The following DEPDC5 variants were observed in gnomAD, a reference collection of about 807,000 sequenced individuals.
DEPDC5 encodes the protein GATOR1 complex protein DEPDC5.
DEPDC5 carries 73 observed loss-of-function variants against 217.3 expected under a neutral mutation model. The observed-to-expected ratio is 0.34, with a 90% CI of 0.28 to 0.41. The LOEUF (loss-of-function observed/expected upper bound fraction) is 0.41, where lower values mean the gene tolerates loss of function less well. DEPDC5 is among the 10% of genes least tolerant of loss of function. DEPDC5 has a pLI of 1.00. For synonymous variants in DEPDC5, 733 were observed against 756.7 expected, an observed-to-expected ratio of 0.97 and a Z score of 0.51; for missense variants, 1,675 against 2,070.1, an observed-to-expected ratio of 0.81 and a Z score of 3.70.
In DEPDC5 at chr22:31,804,888, A is replaced by G. The variant is rs1433468203; in HGVS notation, c.1190A>G (p.Tyr397Cys). 2.5e-6 allele frequency: 4 copies of G among 1,613,990 alleles called. No homozygotes were observed. In the East Asian group the frequency reaches 6.7e-5, roughly 27 times the overall value. The stretch of plus-strand genomic sequence containing the variant: ...CGTGATTCTCGTCTGGGCGATGACT[A>G]TAATATCCCTCACTGGATAAACCAC... ...APRDSRLGDD[Y>C]NIPHWINHSF... The change falls in exon 17 of 43, where the codon TAT becomes TGT. Residue 397 changes from tyrosine (Y) to cysteine (C), a missense_variant. Transcript: ENST00000651528.
At chr22:31,779,261 G>T (rs1309561928) in intron 8 of DEPDC5, among the ~76,000 whole-genome samples, 1 of 152,158 alleles carries the variant, frequency 6.6e-6, no homozygotes, top group Non-Finnish European at 1.5e-5. Context: ...GTTTACATTG[G>T]ATGTATTTAC....
In DEPDC5 at chr22:31,785,094, A is replaced by G. The variant is rs1601814035; in HGVS notation, c.624+219A>G. On this transcript the variant is annotated intron_variant, in intron 10 of 42. Coordinates refer to ENST00000651528, the MANE Select transcript of DEPDC5 (RefSeq NM_001242896.3). The stretch of plus-strand genomic sequence containing the variant: ...GTAAAAGACTGAAAACTTTCCCCCA[A>G]GATCAGTAACAAGGTAAGTATGCTT... 20 of 467,746 alleles carry G rather than the reference A, an allele frequency of 4.3e-5. No homozygotes were observed. The East Asian group carries it at 7.0e-4, about 16-fold the overall frequency. The allele number at this position is 467,746 out of a possible 1,614,324, so 29.0% of individuals were successfully genotyped here.
chr22:31,864,751 C>A (rs971386654), intron 33 of DEPDC5, among the ~76,000 whole-genome samples: 1 of 151,522 alleles, frequency 6.6e-6, no homozygotes, highest in South Asian at 2.1e-4. Context: ...TGCAGTGGTG[C>A]GATCTCAGCC....
intron 33 of DEPDC5, among the ~76,000 whole-genome samples, chr22:31,862,212 A>G (rs1452292132): frequency 1.3e-5 from 2 of 152,030 alleles, no homozygotes; most frequent in African/African-American, 2.4e-5. Flanking sequence ...ATTGCACTCC[A>G]GCCTGGGCAA....
At chr22:31,813,258 G>A (rs2088649715) in intron 20 of DEPDC5, among the ~76,000 whole-genome samples, 1 of 152,034 alleles carries the variant, frequency 6.6e-6, no homozygotes, top group Non-Finnish European at 1.5e-5. Context: ...GCTACTTAGG[G>A]GCTTTTCTTT....
intron 19 of DEPDC5, 77 bp from the exon 20 acceptor site, chr22:31,810,444 A>G: frequency 6.3e-7 from 1 of 1,591,846 alleles, no homozygotes; most frequent in East Asian, 2.2e-5. Flanking sequence ...GACAATTTAT[A>G]TTATTTGTGT....
At chr22:31,759,069 A>T (rs915057475) in intron 3 of DEPDC5, among the ~76,000 whole-genome samples, 1 of 151,990 alleles carries the variant, frequency 6.6e-6, no homozygotes, top group Non-Finnish European at 1.5e-5. Flanking sequence ...AGTAGCTGAG[A>T]TTACAGGCAT....
In DEPDC5 at chr22:31,802,793, G is replaced by A. The variant is rs372461930; in HGVS notation, c.1036G>A (p.Asp346Asn). Residue 346 changes from aspartate (D) to asparagine (N), a missense_variant, in exon 15 of 43, where the codon GAC becomes AAC. Asp to Asn is a conservative substitution (Grantham distance 23, BLOSUM62 1). This residue lies in a region of DEPDC5 where 628 missense variants were observed against 762.1 expected (regional missense o/e 0.82). Coordinates refer to ENST00000651528, the MANE Select transcript of DEPDC5 (RefSeq NM_001242896.3). ...ITPGVGVFEV[D>N]RLLMILTKQR... ...GCCCGGGGTGGGTGTCTTTGAAGTG[G>A]ACCGCCTACTCATGATCCTGACCAA... The A allele has an allele frequency of 3.1e-6, 5 of 1,607,142 alleles. No homozygotes were observed. Among genetic ancestry groups the A allele is most frequent in the Admixed American group, 1.7e-5 (1 of 58,688 alleles).
chr22:31,898,077 G>A (rs2093585223), intron 40 of DEPDC5, among the ~76,000 whole-genome samples: 2 of 152,140 alleles, frequency 1.3e-5, no homozygotes, highest in African/African-American at 2.4e-5. Context: ...GAAAGGGAGG[G>A]CATGAAAAGC....
intron 40 of DEPDC5, among the ~76,000 whole-genome samples, chr22:31,899,843 G>GC (rs1311434461): frequency 2.0e-5 from 3 of 152,092 alleles, no homozygotes; most frequent in African/African-American, 7.2e-5. Flanking sequence ...CCTGAGAGCA[G>GC]CCCGGACTCT....
chr22:31,843,250 C>G (rs1040900611), intron 28 of DEPDC5, 38 bp downstream of exon 28: 1 of 1,580,018 alleles, frequency 6.3e-7, no homozygotes, highest in African/African-American at 1.3e-5. Flanking sequence ...AGTTATTGTC[C>G]TGAATTATGG....
At chr22:31,858,617 T>A (rs2092391503) in intron 32 of DEPDC5, 1 of 152,226 alleles carries the variant, frequency 6.6e-6, no homozygotes, top group South Asian at 2.1e-4. Flanking sequence ...GCATGATTTT[T>A]AAAAATAATT....
intron 11 of DEPDC5, 98 bp from the exon 12 acceptor site, chr22:31,792,646 AT>A: frequency 9.1e-6 from 3 of 328,184 alleles, no homozygotes; most frequent in Non-Finnish European, 1.5e-5. Flanking sequence ...AGTTATCTTT[AT>A]TTTTTTGTGA....
chr22:31,775,181 TTCC>T (rs1039330289), intron 7 of DEPDC5, among the ~76,000 whole-genome samples: 2 of 151,848 alleles, frequency 1.3e-5, no homozygotes, highest in African/African-American at 4.8e-5. Flanking sequence ...TTTGTCTTCC[TTCC>T]TTTTTTTTTT....
intron 38 of DEPDC5, among the ~76,000 whole-genome samples, chr22:31,881,084 G>A (rs186720671): frequency 6.6e-6 from 1 of 152,030 alleles, no homozygotes; most frequent in African/African-American, 2.4e-5. Context: ...GCTGAGGTGG[G>A]TGGATCACCT....
chr22:31,862,894 G>T (rs1191299510), intron 33 of DEPDC5, among the ~76,000 whole-genome samples: 1 of 152,198 alleles, frequency 6.6e-6, no homozygotes, highest in African/African-American at 2.4e-5. Flanking sequence ...AACATTGGTT[G>T]ATCCTTTTCA....
intron 24 of DEPDC5, among the ~76,000 whole-genome samples, chr22:31,832,465 T>G (rs2090674620): frequency 6.6e-6 from 1 of 151,984 alleles, no homozygotes; most frequent in Non-Finnish European, 1.5e-5. Flanking sequence ...CAAATAAGCA[T>G]GTAGTGGTAT....
chr22:31,783,918 T>C lies in DEPDC5; in HGVS notation c.495T>C (p.Arg165=). 6.2e-7 allele frequency: 1 copy of C among 1,613,332 alleles called. No individual in the cohort carries two copies. The highest frequency in any genetic ancestry group is 1.1e-5 in the South Asian group (1 of 90,854). Residue 165 remains arginine, a synonymous_variant, in exon 9 of 43, where the codon CGT becomes CGC. Coordinates refer to ENST00000651528, the MANE Select transcript of DEPDC5 (RefSeq NM_001242896.3). ...TGTTTTTATTTCAGGTGGTGTTTCGTTCTACGTCGGCTATGGTTTACATAT... is the reference window on the plus strand; with the variant it reads ...TGTTTTTATTTCAGGTGGTGTTTCGCTCTACGTCGGCTATGGTTTACATAT... ...YISEDTRVVF[R]STSAMVYIFI...
intron 33 of DEPDC5, among the ~76,000 whole-genome samples, chr22:31,870,114 A>G (rs528049342): frequency 3.3e-5 from 5 of 152,338 alleles, no homozygotes; most frequent in African/African-American, 1.2e-4. Flanking sequence ...TGGGTGGGAA[A>G]GGGTGAGTCA....
Sources: allele counts gnomAD v4.1 joint callset (sites outside exome capture counted in the v4.1 genomes callset), GRCh38; gene constraint gnomAD v4.1.1; regional missense constraint gnomAD v4.1.1; transcripts MANE v1.5; gene names NCBI Gene and HGNC (gene_info 2026-07-23, HGNC 2026-07-21).